SIL1: variants seen among roughly 807,000 people sequenced by gnomAD.
SIL1 encodes SIL1 nucleotide exchange factor, also known as nucleotide exchange factor SIL1.
SIL1 carries 40 observed loss-of-function variants against 49.1 expected under a neutral mutation model. That is an observed-to-expected ratio of 0.81 (90% confidence interval 0.63 to 1.06). The LOEUF is 1.06. Ranked by LOEUF, SIL1 falls within the 50% of genes least tolerant of loss-of-function variation. SIL1 has a pLI of 0.00. For missense variants in SIL1, 500 were observed against 572.6 expected (o/e 0.87, Z 1.29); for synonymous variants, 253 against 250.8 (o/e 1.01, Z -0.08).
Position 139,184,482 on chromosome 5 carries a change from C to T in SIL1, c.-11+13787G>A, listed in dbSNP as rs191229863. Among the ~76,000 whole-genome samples, 871 of 151,986 alleles carry T rather than the reference C, an allele frequency of 5.7e-3. 5 individuals are homozygous for T. The highest frequency in any genetic ancestry group is 0.02 in the African/African-American group (829 of 41,436). On this transcript the variant is annotated intron_variant, in intron 1 of 9. Coordinates refer to ENST00000394817, the MANE Select transcript of SIL1 (RefSeq NM_022464.5). ...GAGGCCAGGAGTTCAAGACCAGCCT[C>T]GGAAACATAGCAAAACCCCATCTCT...
chr5:139,056,584 C>T (rs1367748661), intron 3 of SIL1, among the ~76,000 whole-genome samples: 3 of 149,190 alleles, frequency 2.0e-5, no homozygotes, highest in Admixed American at 1.3e-4. Context: ...CCGCCCCGTC[C>T]GGGAGGGAGG....
At chr5:139,103,950 TG>T (rs1381080385) in intron 3 of SIL1, among the ~76,000 whole-genome samples, 1 of 152,032 alleles carries the variant, frequency 6.6e-6, no homozygotes, top group Non-Finnish European at 1.5e-5. Context: ...AGGCCAGAAA[TG>T]GGAAGGAGAG....
At chr5:139,126,620 G>A (rs1306411286) in intron 2 of SIL1, among the ~76,000 whole-genome samples, 1 of 152,138 alleles carries the variant, frequency 6.6e-6, no homozygotes, top group African/African-American at 2.4e-5. Context: ...TTGAAGAAGA[G>A]GCAAATAAAC....
intron 3 of SIL1, among the ~76,000 whole-genome samples, chr5:139,109,780 CTTT>C (rs67556338): frequency 9.9e-5 from 13 of 130,908 alleles, no homozygotes; most frequent in Admixed American, 2.3e-4. Context: ...TCCCCTCTGT[CTTT>C]TTTTTTTTTT....
At chr5:139,012,410 G>A (rs1768299095) in intron 7 of SIL1, 2 of 152,116 alleles carry the variant, frequency 1.3e-5, no homozygotes, top group Admixed American at 6.5e-5. Flanking sequence ...TTAGTACTTG[G>A]ATGGGAGACC....
intron 7 of SIL1, among the ~76,000 whole-genome samples, chr5:138,967,784 G>C (rs1212726854): frequency 6.6e-6 from 1 of 151,944 alleles, no homozygotes; most frequent in Non-Finnish European, 1.5e-5. Flanking sequence ...CCCAGGACTA[G>C]AGCCTGCTTT....
At chr5:139,078,138 C>T (rs1051161024) in intron 3 of SIL1, among the ~76,000 whole-genome samples, 2 of 152,140 alleles carry the variant, frequency 1.3e-5, no homozygotes, top group African/African-American at 2.4e-5. Context: ...ACCAATCTCA[C>T]CTTGCCTAAA....
intron 1 of SIL1, among the ~76,000 whole-genome samples, chr5:139,150,464 C>T (rs1431530063): frequency 6.6e-6 from 1 of 152,096 alleles, no homozygotes; most frequent in South Asian, 2.1e-4. Flanking sequence ...ATATGTCCCT[C>T]CCCCTATGCT....
chr5:139,036,393 T>C (rs191881765), intron 5 of SIL1, among the ~76,000 whole-genome samples: 19 of 152,326 alleles, frequency 1.2e-4, no homozygotes, highest in Admixed American at 5.2e-4. Context: ...CAACATTTAT[T>C]GAATAGGGAA....
chr5:139,112,564 C>T (rs1232236890), intron 3 of SIL1, among the ~76,000 whole-genome samples: 35 of 151,622 alleles, frequency 2.3e-4, no homozygotes, highest in Non-Finnish European at 4.6e-4. Context: ...AGCCCCTCCG[C>T]CCGGCAGCCG....
intron 8 of SIL1, 121 bp downstream of exon 8, chr5:138,951,667 C>T (rs1766781358): frequency 6.2e-6 from 6 of 971,676 alleles, no homozygotes; most frequent in Non-Finnish European, 4.9e-6. Flanking sequence ...TCCCCCTGTG[C>T]CACCCAGCAG....
intron 6 of SIL1, among the ~76,000 whole-genome samples, chr5:139,023,255 C>G (rs1410842874): frequency 6.6e-6 from 1 of 152,162 alleles, no homozygotes; most frequent in Non-Finnish European, 1.5e-5. Context: ...CAGGAGAAAC[C>G]ATGACCATAG....
At chr5:139,034,694 C>T (rs1200391486) in intron 5 of SIL1, among the ~76,000 whole-genome samples, 2 of 152,172 alleles carry the variant, frequency 1.3e-5, no homozygotes, top group Non-Finnish European at 2.9e-5. Context: ...ATAATTTTTG[C>T]TTCAACTATC....
At chr5:139,141,946 C>T (rs1000168050) in intron 1 of SIL1, among the ~76,000 whole-genome samples, 1 of 152,098 alleles carries the variant, frequency 6.6e-6, no homozygotes, top group Non-Finnish European at 1.5e-5. Flanking sequence ...TTCAGCAAAC[C>T]CAAGATCAGA....
chr5:139,008,776 G>A (rs1323124832), intron 7 of SIL1, among the ~76,000 whole-genome samples: 14 of 152,020 alleles, frequency 9.2e-5, no homozygotes, highest in Admixed American at 3.9e-4. Flanking sequence ...GCGGCTTTGA[G>A]TGAGATTCTT....
chr5:139,089,266 C>T (rs749773045), intron 3 of SIL1, among the ~76,000 whole-genome samples: 11 of 152,186 alleles, frequency 7.2e-5, no homozygotes, highest in Non-Finnish European at 1.5e-4. Flanking sequence ...CTCTAGTTAG[C>T]ACATACTACT....
At chr5:139,109,980 C>A (rs1235536913) in intron 3 of SIL1, among the ~76,000 whole-genome samples, 5 of 151,880 alleles carry the variant, frequency 3.3e-5, no homozygotes, top group South Asian at 4.2e-4. Context: ...ACTAGCCTGG[C>A]CAGCATGGTG....
chr5:139,036,003 T>TA (rs1294156331), intron 5 of SIL1: 1 of 152,130 alleles, frequency 6.6e-6, no homozygotes. Context: ...GCCCAGTTTG[T>TA]AATGGGGTTG....
chr5:139,176,077 T>C (rs1751877332), intron 1 of SIL1, among the ~76,000 whole-genome samples: 1 of 152,028 alleles, frequency 6.6e-6, no homozygotes, highest in Non-Finnish European at 1.5e-5. Context: ...CTCACTGCAG[T>C]CTCAAAACCC....
Sources: allele counts gnomAD v4.1 joint callset (sites outside exome capture counted in the v4.1 genomes callset), GRCh38; gene constraint gnomAD v4.1.1; transcripts MANE v1.5; gene names NCBI Gene and HGNC (gene_info 2026-07-23, HGNC 2026-07-21).